The following MALRD1 variants were observed in gnomAD, a reference collection of about 807,000 sequenced individuals.
MALRD1 encodes the protein MAM and LDL-receptor class A domain-containing protein 1.
Under a neutral mutation model 242.1 loss-of-function variants are expected in MALRD1, and 247 were observed. The observed-to-expected ratio is 1.02, with a 90% CI of 0.92 to 1.13. The LOEUF (loss-of-function observed/expected upper bound fraction) is 1.13, where lower values mean the gene tolerates loss of function less well. Among genes scored for constraint, MALRD1 ranks in the 50% most tolerant of loss-of-function variants. MALRD1 has a pLI of 0.00. For missense variants in MALRD1, 2,989 were observed against 2,533.1 expected, an observed-to-expected ratio of 1.18 and a Z score of -3.86; for synonymous variants, 995 against 866.6, an observed-to-expected ratio of 1.15 and a Z score of -2.60.
chr10:19,195,663 A>T lies in MALRD1; in HGVS notation c.1952-8065A>T, dbSNP rs933291211. ...CCATTCTTCAGTTGCTACAGGTAAA[A>T]ACTTTGTACTCATCTTTAACTCCAC... is the stretch of plus-strand genomic sequence containing the variant. On this transcript the variant is annotated intron_variant, in intron 14 of 39. Transcript: ENST00000454679. Among the ~76,000 whole-genome samples, 66 of 152,114 alleles carry T rather than the reference A, an allele frequency of 4.3e-4. 1 individual carries two copies. Among genetic ancestry groups the T allele is most frequent in the South Asian group, 6.2e-4 (3 of 4,826 alleles).
chr10:19,387,594 A>G lies in MALRD1; in HGVS notation c.4508A>G (p.Asn1503Ser). ...TGCTATAGGCTGGAACAAAGCTGTA[A>G]CTTCGTAGATAACTGTGGAGATAAT... ...GKCYRLEQSC[N>S]FVDNCGDNTD... The change falls in exon 27 of 40, where the codon AAC (asparagine) becomes AGC (serine). Residue 1503 changes from asparagine (N) to serine (S), a missense_variant. Asn to Ser is a conservative substitution (Grantham distance 46). Transcript: ENST00000454679. 6.4e-7 allele frequency: 1 copy of G among 1,550,448 alleles called. No individual in the cohort carries two copies. Among genetic ancestry groups the G allele is most frequent in the Non-Finnish European group, 8.7e-7 (1 of 1,146,884 alleles).
chr10:19,505,488 A>G (rs1353362838), intron 31 of MALRD1, among the ~76,000 whole-genome samples: 2 of 152,202 alleles, frequency 1.3e-5, no homozygotes, highest in Non-Finnish European at 2.9e-5. Context: ...CAAGCCAAGG[A>G]AAGAGGCCTC....
intron 21 of MALRD1, among the ~76,000 whole-genome samples, chr10:19,315,452 GACTATAATTTATATAAATATATA>G (rs1564554786): frequency 0.22 from 2,155 of 9,744 alleles, no homozygotes; most frequent in East Asian, 0.28. Flanking sequence ...ATAAATATAT[GACTATAATTTATATAAATATATA>G]ACTATAATTT....
chr10:19,585,269 T>C (rs1332230139), intron 33 of MALRD1, among the ~76,000 whole-genome samples: 1 of 152,166 alleles, frequency 6.6e-6, no homozygotes, highest in African/African-American at 2.4e-5. Context: ...CCTGTCATTA[T>C]GATGTTAGCT....
chr10:19,210,155 T>C (rs1425672592), intron 18 of MALRD1, among the ~76,000 whole-genome samples: 1 of 152,228 alleles, frequency 6.6e-6, no homozygotes, highest in African/African-American at 2.4e-5. Flanking sequence ...TCCTTACTCC[T>C]GGGGGAATAT....
intron 36 of MALRD1, among the ~76,000 whole-genome samples, chr10:19,638,888 A>G (rs1359794291): frequency 6.6e-6 from 1 of 152,118 alleles, no homozygotes; most frequent in Admixed American, 6.5e-5. Flanking sequence ...CCATCGTAAT[A>G]GGAAGCTTGT....
chr10:19,118,706 A>G (rs948309343), intron 5 of MALRD1, among the ~76,000 whole-genome samples: 1 of 152,204 alleles, frequency 6.6e-6, no homozygotes, highest in Non-Finnish European at 1.5e-5. Context: ...TCACTTTCCC[A>G]TCATGGCCTG....
At chr10:19,117,700 G>T (rs554380845) in intron 5 of MALRD1, among the ~76,000 whole-genome samples, 2 of 152,220 alleles carry the variant, frequency 1.3e-5, no homozygotes, top group Admixed American at 1.3e-4. Flanking sequence ...AAGAGGATTT[G>T]CATATTCATC....
chr10:19,310,839 CT>C, intron 21 of MALRD1, among the ~76,000 whole-genome samples: 1 of 151,484 alleles, frequency 6.6e-6, no homozygotes, highest in Non-Finnish European at 1.5e-5. Context: ...ACAGTCCCTT[CT>C]CCGGGTATTA....
intron 10 of MALRD1, among the ~76,000 whole-genome samples, chr10:19,143,350 T>C (rs1833614997): frequency 6.6e-6 from 1 of 152,206 alleles, no homozygotes; most frequent in African/African-American, 2.4e-5. Flanking sequence ...ACTTTCCATT[T>C]TCACACTCAT....
At chr10:19,230,153 T>C (rs557071556) in intron 18 of MALRD1, among the ~76,000 whole-genome samples, 5 of 152,292 alleles carry the variant, frequency 3.3e-5, no homozygotes, top group African/African-American at 9.6e-5. Context: ...TCCTCAGCCA[T>C]GTGGAACTGT....
intron 18 of MALRD1, among the ~76,000 whole-genome samples, chr10:19,213,127 A>G (rs1564471506): frequency 6.6e-6 from 1 of 152,054 alleles, no homozygotes. Context: ...TTTATAAATC[A>G]TGCTGTGGGG....
At position 19,088,112 on chromosome 10, in the gene MALRD1, G is replaced by C; in HGVS notation, c.524G>C (p.Trp175Ser). ...TGTGGAGGTCCTATTCAGCATTTAT[G>C]GCAAAACACAGCTGCACTCCCAAAT... Reference protein sequence around the residue: ...TACGGPIQHLWQNTAALPNQW... With the variant: ...TACGGPIQHLSQNTAALPNQW... The change falls in exon 4 of 40, where the codon TGG becomes TCG. Residue 175 changes from tryptophan (W) to serine (S), a missense_variant. Transcript: ENST00000454679. 8.1e-7 allele frequency: 1 copy of C among 1,233,470 alleles called. No individual in the cohort carries two copies. The highest frequency in any genetic ancestry group is 1.0e-6 in the Non-Finnish European group (1 of 987,900). The allele number at this position is 1,233,470 out of a possible 1,614,324, so 76.4% of individuals were successfully genotyped here.
At chr10:19,411,886 G>A (rs1169725789) in intron 28 of MALRD1, among the ~76,000 whole-genome samples, 2 of 152,224 alleles carry the variant, frequency 1.3e-5, no homozygotes, top group South Asian at 2.1e-4. Context: ...CTGATTAAAT[G>A]TGTAAGCTGT....
At position 19,615,928 on chromosome 10, in the gene MALRD1, G is replaced by A; in HGVS notation, c.6137+5G>A. ...GAAAAATGGTCCTATGTGTCGGTAA[G>A]AAGCATTGTTTAATTTTTTTTTTTA... On this transcript the variant is annotated splice_donor_5th_base_variant and intron_variant, in intron 36 of 39. Transcript: ENST00000454679. 6.6e-7 allele frequency: 1 copy of A among 1,511,708 alleles called. No individual in the cohort carries two copies. Among genetic ancestry groups the A allele is most frequent in the South Asian group, 1.2e-5 (1 of 82,054 alleles). 93.6% of individuals were successfully genotyped at this position (1,511,708 alleles called of 1,614,324 possible).
rs577507321 is a variant in MALRD1, at chr10:19,455,302, C to G, written c.5029+4812C>G. Among the ~76,000 whole-genome samples, 6 of 152,258 alleles carry G rather than the reference C, an allele frequency of 3.9e-5. 1 individual carries two copies. The South Asian group carries it at 1.2e-3, about 32-fold the overall frequency. On this transcript the variant is annotated intron_variant, in intron 29 of 39. Transcript: ENST00000454679. Reference sequence around the variant, plus strand: ...CTAAAGTTCGAAATTTAAATGACTTCTGAAATTTCAGAACGTTACTTAAAG... The same window carrying G: ...CTAAAGTTCGAAATTTAAATGACTTGTGAAATTTCAGAACGTTACTTAAAG...
chr10:19,206,024 T>C (rs900491774), intron 17 of MALRD1, among the ~76,000 whole-genome samples: 30 of 150,592 alleles, frequency 2.0e-4, no homozygotes, highest in African/African-American at 6.8e-4. Context: ...TTGAAGATAG[T>C]TGAATATTAT....
At chr10:19,323,223 C>T (rs1020763956) in intron 21 of MALRD1, among the ~76,000 whole-genome samples, 1 of 152,024 alleles carries the variant, frequency 6.6e-6, no homozygotes, top group Non-Finnish European at 1.5e-5. Flanking sequence ...AGTTGAAGCC[C>T]AGACCGGTTT....
chr10:19,144,695 C>G (rs535699166), intron 10 of MALRD1, among the ~76,000 whole-genome samples: 4 of 152,112 alleles, frequency 2.6e-5, no homozygotes, highest in Non-Finnish European at 2.9e-5. Context: ...AAGGAGGCTT[C>G]GGAATATGAG....
Sources: gnomAD v4.1 joint callset for allele counts (sites outside exome capture counted in the v4.1 genomes callset) on GRCh38, gnomAD v4.1.1 for gene constraint, MANE v1.5 for transcripts, NCBI Gene and HGNC (gene_info 2026-07-23, HGNC 2026-07-21) for gene names.